The following GRIK3 variants were observed in gnomAD, a reference collection of about 807,000 sequenced individuals.
GRIK3 encodes the protein glutamate ionotropic receptor kainate type subunit 3, also known as glutamate receptor ionotropic, kainate 3.
A neutral mutation model predicts 102.5 loss-of-function variants in GRIK3; 29 were observed. That is an observed-to-expected ratio of 0.28 (90% confidence interval 0.21 to 0.39). The LOEUF (loss-of-function observed/expected upper bound fraction) is 0.39. Among genes scored for constraint, GRIK3 ranks in the 10% least tolerant of loss-of-function variants. The pLI, the probability that GRIK3 is intolerant of heterozygous loss-of-function variation, is 1.00. For synonymous variants in GRIK3, 511 were observed against 504.9 expected (o/e 1.01, Z -0.16); for missense variants, 908 against 1,252.4 (o/e 0.73, Z 4.15).
chr1:36,927,140 A>T (rs1641535578), intron 1 of GRIK3, among the ~76,000 whole-genome samples: 1 of 152,244 alleles, frequency 6.6e-6, no homozygotes, highest in African/African-American at 2.4e-5. Flanking sequence ...TGTGAACACT[A>T]AGAGGGAGGC....
intron 1 of GRIK3, among the ~76,000 whole-genome samples, chr1:37,013,402 G>A (rs1415236210): frequency 1.3e-5 from 2 of 152,240 alleles, no homozygotes; most frequent in Non-Finnish European, 2.9e-5. Flanking sequence ...CCAAACATCT[G>A]GGTGCTTGGA....
intron 10 of GRIK3, among the ~76,000 whole-genome samples, chr1:36,840,465 C>T (rs476103): frequency 0.011 from 1,582 of 148,602 alleles, 25 homozygotes; most frequent in African/African-American, 0.037. Flanking sequence ...GTAATCTCAG[C>T]ACTTTGGGAG....
intron 13 of GRIK3, among the ~76,000 whole-genome samples, chr1:36,810,734 T>C (rs953210051): frequency 2.0e-5 from 3 of 152,226 alleles, no homozygotes; most frequent in Admixed American, 6.5e-5. Context: ...GAGTGTGGAA[T>C]CTTTGGCCTT....
At chr1:36,873,695 C>A (rs1000615227) in intron 3 of GRIK3, among the ~76,000 whole-genome samples, 3 of 152,122 alleles carry the variant, frequency 2.0e-5, no homozygotes, top group Admixed American at 2.0e-4. Context: ...ACTTCTCCCC[C>A]ACTCTTAGTT....
rs1330212206 is a variant in GRIK3, at chr1:36,814,644, A to C, written c.2091+2416T>G. Among the ~76,000 whole-genome samples the C allele has an allele frequency of 2.0e-5, 3 of 151,556 alleles. No individual in the cohort carries two copies. The East Asian group carries it at 5.9e-4, about 30-fold the overall frequency. On this transcript the variant is annotated intron_variant, in intron 13 of 15. Coordinates refer to ENST00000373091, the MANE Select transcript of GRIK3 (RefSeq NM_000831.4). ...TATGTATGCACAGGCCATTATACAC[A>C]CACACACTCAGATTCATGCATGCAT...
chr1:36,852,349 G>A (rs1640594972), intron 8 of GRIK3, among the ~76,000 whole-genome samples: 1 of 152,204 alleles, frequency 6.6e-6, no homozygotes, highest in African/African-American at 2.4e-5. Context: ...TTTGCCTGAG[G>A]GACAGAGGTC....
chr1:36,972,454 T>C (rs934763228), intron 1 of GRIK3, among the ~76,000 whole-genome samples: 30 of 152,272 alleles, frequency 2.0e-4, no homozygotes, highest in African/African-American at 7.2e-4. Flanking sequence ...GTCCCTGAAT[T>C]ACACCACAGA....
At chr1:36,802,582 G>C (rs2124173985) in intron 15 of GRIK3, among the ~76,000 whole-genome samples, 1 of 152,300 alleles carries the variant, frequency 6.6e-6, no homozygotes, top group South Asian at 2.1e-4. Context: ...GTGGAAAACT[G>C]GGAGGCAGGT....
Position 36,848,364 on chromosome 1 carries a change from T to C in GRIK3, c.1326+1947A>G, listed in dbSNP as rs1640542820. 2.0e-5 allele frequency among the ~76,000 whole-genome samples: 3 copies of C among 152,366 alleles called. No individual in the cohort carries two copies. In the South Asian group the frequency reaches 6.2e-4, roughly 32 times the overall value. ...TTAAATCATCCTAGTTTTACCTTTT[T>C]TTAATCTTGCCTTGTGAAAAGTGTT... On this transcript the variant is annotated intron_variant, in intron 9 of 15. Transcript: ENST00000373091.
intron 5 of GRIK3, among the ~76,000 whole-genome samples, chr1:36,866,780 T>C (rs1640789378): frequency 2.0e-5 from 3 of 152,208 alleles, no homozygotes; most frequent in African/African-American, 7.2e-5. Flanking sequence ...TAACTAACTG[T>C]TGCTATGATG....
intron 1 of GRIK3, among the ~76,000 whole-genome samples, chr1:37,005,429 C>T (rs936016479): frequency 3.3e-5 from 5 of 152,224 alleles, no homozygotes; most frequent in Admixed American, 3.3e-4. Context: ...ATGCTTATGT[C>T]CTAGATCTCA....
At chr1:37,006,871 G>A (rs1023026044) in intron 1 of GRIK3, among the ~76,000 whole-genome samples, 9 of 152,334 alleles carry the variant, frequency 5.9e-5, no homozygotes, top group African/African-American at 2.2e-4. Context: ...ATTGAGGCCT[G>A]GGAGGCGTTA....
At chr1:36,975,869 A>T (rs1427741732) in intron 1 of GRIK3, among the ~76,000 whole-genome samples, 4 of 152,190 alleles carry the variant, frequency 2.6e-5, no homozygotes, top group Non-Finnish European at 4.4e-5. Context: ...CGTCTACCCC[A>T]TTCCTTTCTG....
chr1:36,870,381 T>A (rs1640830090), intron 4 of GRIK3, among the ~76,000 whole-genome samples: 1 of 152,260 alleles, frequency 6.6e-6, no homozygotes, highest in Non-Finnish European at 1.5e-5. Flanking sequence ...CCGTCTGCCA[T>A]CATGAAGTCT....
At chr1:36,912,371 G>A (rs974478442) in intron 1 of GRIK3, among the ~76,000 whole-genome samples, 9 of 152,130 alleles carry the variant, frequency 5.9e-5, no homozygotes, top group Admixed American at 3.9e-4. Flanking sequence ...TGCAGGCACC[G>A]TTGGGATGCA....
intron 1 of GRIK3, among the ~76,000 whole-genome samples, chr1:36,942,323 C>T (rs1382990330): frequency 1.3e-5 from 2 of 152,216 alleles, no homozygotes; most frequent in Non-Finnish European, 2.9e-5. Context: ...AGGAAAGGGC[C>T]GAGCTGATAG....
intron 1 of GRIK3, among the ~76,000 whole-genome samples, chr1:36,954,662 C>T (rs1323192944): frequency 6.6e-6 from 1 of 152,192 alleles, no homozygotes; most frequent in East Asian, 1.9e-4. Flanking sequence ...TGTAAGGAGG[C>T]TGGGGAAAGA....
intron 2 of GRIK3, among the ~76,000 whole-genome samples, chr1:36,884,796 G>A (rs1018618186): frequency 2.0e-5 from 3 of 152,152 alleles, no homozygotes; most frequent in African/African-American, 7.2e-5. Context: ...CCACCTCTAC[G>A]CATCTGCCTC....
chr1:36,859,517 C>T (rs1640696370), intron 6 of GRIK3, among the ~76,000 whole-genome samples: 1 of 151,092 alleles, frequency 6.6e-6, no homozygotes, highest in Non-Finnish European at 1.5e-5. Context: ...TACCTAGGCC[C>T]TGACCACACC....
Sources: allele counts gnomAD v4.1 joint callset (sites outside exome capture counted in the v4.1 genomes callset), GRCh38; gene constraint gnomAD v4.1.1; transcripts MANE v1.5; gene names NCBI Gene and HGNC (gene_info 2026-07-23, HGNC 2026-07-21).